CNTNAP2: variants seen among roughly 807,000 people sequenced by gnomAD.
The protein encoded by CNTNAP2 is contactin associated protein 2, also known as contactin-associated protein-like 2.
A neutral mutation model predicts 155.2 loss-of-function variants in CNTNAP2; 98 were observed. The ratio of observed to expected loss-of-function variants is 0.63; its 90% CI spans 0.54 to 0.75. The LOEUF (loss-of-function observed/expected upper bound fraction) is 0.75. Among genes scored for constraint, CNTNAP2 ranks in the 30% least tolerant of loss-of-function variants. The pLI is 0.00. For missense variants in CNTNAP2, 1,727 were observed against 1,688.1 expected (o/e 1.02, Z -0.40); for synonymous variants, 651 against 631.2 (o/e 1.03, Z -0.47).
At chr7:147,602,491 CTT>C (rs34255836) in intron 12 of CNTNAP2, among the ~76,000 whole-genome samples, 186 of 148,000 alleles carry the variant, frequency 1.3e-3, no homozygotes, top group Middle Eastern at 7.1e-3. Context: ...CATCCTACAT[CTT>C]TTTTTTTTTT....
intron 3 of CNTNAP2, among the ~76,000 whole-genome samples, chr7:147,022,951 G>C (rs980934019): frequency 6.6e-6 from 1 of 151,990 alleles, no homozygotes; most frequent in Non-Finnish European, 1.5e-5. Flanking sequence ...TTTAATAGAG[G>C]TCATGGTTTG....
At chr7:146,658,912 G>T (rs1307715979) in intron 1 of CNTNAP2, among the ~76,000 whole-genome samples, 1 of 152,158 alleles carries the variant, frequency 6.6e-6, no homozygotes, top group Non-Finnish European at 1.5e-5. Flanking sequence ...ATTAGAAGGT[G>T]CTGTAGTTTT....
At chr7:148,160,577 A>T (rs948676280) in intron 17 of CNTNAP2, among the ~76,000 whole-genome samples, 8 of 152,108 alleles carry the variant, frequency 5.3e-5, no homozygotes, top group Non-Finnish European at 1.0e-4. Context: ...TTAAAAATCC[A>T]TTTGGACCAA....
chr7:147,761,180 G>A (rs1004195901), intron 13 of CNTNAP2, among the ~76,000 whole-genome samples: 2 of 152,144 alleles, frequency 1.3e-5, no homozygotes, highest in African/African-American at 2.4e-5. Context: ...ATCTGAAATG[G>A]TATTAATGAC....
chr7:146,695,707 G>A (rs549821126), intron 1 of CNTNAP2, among the ~76,000 whole-genome samples: 11 of 152,144 alleles, frequency 7.2e-5, no homozygotes, highest in South Asian at 4.2e-4. Context: ...GATTACAGGC[G>A]TGAACCATTA....
chr7:146,342,680 G>A (rs756731585), intron 1 of CNTNAP2, among the ~76,000 whole-genome samples: 11 of 152,130 alleles, frequency 7.2e-5, no homozygotes, highest in Non-Finnish European at 1.3e-4. Flanking sequence ...TAATAAAGAC[G>A]TGTAGGATTT....
intron 13 of CNTNAP2, among the ~76,000 whole-genome samples, chr7:147,788,154 A>G (rs1797765715): frequency 1.3e-5 from 2 of 152,200 alleles, no homozygotes; most frequent in Non-Finnish European, 2.9e-5. Flanking sequence ...TGGATCACTT[A>G]AATTATTTGC....
chr7:148,257,748 G>T (rs1038568789), intron 20 of CNTNAP2, among the ~76,000 whole-genome samples: 5 of 152,138 alleles, frequency 3.3e-5, no homozygotes, highest in Non-Finnish European at 7.3e-5. Flanking sequence ...CCAGATTCAC[G>T]ATCAGCCAGT....
chr7:147,980,938 A>AC (rs1447361262), intron 15 of CNTNAP2, among the ~76,000 whole-genome samples: 1 of 138,636 alleles, frequency 7.2e-6, no homozygotes, highest in African/African-American at 3.1e-5. Context: ...CTTAACAAAA[A>AC]AAAAAAAAAA....
rs980160154 is a variant in CNTNAP2, at chr7:146,812,671, A to G, written c.209-27040A>G. Among the ~76,000 whole-genome samples, 64 of 152,260 alleles carry G rather than the reference A, an allele frequency of 4.2e-4. 2 individuals are homozygous for G. The highest frequency in any genetic ancestry group is 8.5e-4 in the Admixed American group (13 of 15,302). ...AAACCCGTTTTCCAGGGAGAAATTC[A>G]GGCTCACTACAGAAATTTGCATAAG... On this transcript the variant is annotated intron_variant, in intron 2 of 23. Coordinates refer to ENST00000361727, the MANE Select transcript of CNTNAP2 (RefSeq NM_014141.6).
intron 8 of CNTNAP2, among the ~76,000 whole-genome samples, chr7:147,294,269 T>A (rs1037904818): frequency 1.3e-5 from 2 of 152,234 alleles, no homozygotes; most frequent in African/African-American, 4.8e-5. Context: ...TTATGTGTTT[T>A]TCAGATTACA....
intron 1 of CNTNAP2, among the ~76,000 whole-genome samples, chr7:146,536,506 A>G (rs543857657): frequency 1.3e-4 from 20 of 152,124 alleles, no homozygotes; most frequent in African/African-American, 4.6e-4. Flanking sequence ...TAAGAGACAC[A>G]GAGAAGCAGG....
intron 8 of CNTNAP2, among the ~76,000 whole-genome samples, chr7:147,205,171 A>G (rs1802997469): frequency 6.6e-6 from 1 of 152,090 alleles, no homozygotes; most frequent in Non-Finnish European, 1.5e-5. Flanking sequence ...CTGATATTTT[A>G]GTTCTCCCAT....
At chr7:147,510,379 C>T (rs1798992583) in intron 11 of CNTNAP2, among the ~76,000 whole-genome samples, 1 of 152,038 alleles carries the variant, frequency 6.6e-6, no homozygotes, top group South Asian at 2.1e-4. Context: ...GTCTCTTCAC[C>T]CTCACCAGGA....
intron 8 of CNTNAP2, among the ~76,000 whole-genome samples, chr7:147,265,856 A>G (rs1804595781): frequency 6.6e-6 from 1 of 152,008 alleles, no homozygotes. Context: ...TGTGGGAGGG[A>G]CCCAGGTGAA....
chr7:147,531,152 T>C (rs1008348443), intron 11 of CNTNAP2, among the ~76,000 whole-genome samples: 1 of 152,120 alleles, frequency 6.6e-6, no homozygotes, highest in Non-Finnish European at 1.5e-5. Context: ...CCTTCCCAGA[T>C]GTTTCATGGG....
chr7:148,340,121 T>C (rs142890424), intron 21 of CNTNAP2, among the ~76,000 whole-genome samples: 263 of 152,248 alleles, frequency 1.7e-3, no homozygotes, highest in African/African-American at 6.0e-3. Context: ...TTGAGACTTG[T>C]TTAAAGAAGG....
intron 14 of CNTNAP2, among the ~76,000 whole-genome samples, chr7:147,924,401 A>C (rs1800346503): frequency 6.6e-6 from 1 of 152,042 alleles, no homozygotes; most frequent in Non-Finnish European, 1.5e-5. Flanking sequence ...GGCTTCCCAA[A>C]ATGCTGGGAT....
intron 1 of CNTNAP2, among the ~76,000 whole-genome samples, chr7:146,599,759 T>TAGAC (rs1798920152): frequency 6.6e-6 from 1 of 151,342 alleles, no homozygotes; most frequent in African/African-American, 2.4e-5. Flanking sequence ...GATAGATAGA[T>TAGAC]AGATAGATAG....
Sources: gnomAD v4.1 joint callset for allele counts (sites outside exome capture counted in the v4.1 genomes callset) on GRCh38, gnomAD v4.1.1 for gene constraint, MANE v1.5 for transcripts, NCBI Gene and HGNC (gene_info 2026-07-23, HGNC 2026-07-21) for gene names.